Variants in CELF4 observed in about 807,000 individuals in gnomAD.
CELF4 encodes the protein CUG-BP- and ETR-3-like factor 4.
Under a neutral mutation model 59.9 loss-of-function variants are expected in CELF4, and 18 were observed. The ratio of observed to expected loss-of-function variants is 0.30; its 90% CI spans 0.21 to 0.45. CELF4 has a LOEUF of 0.45. Ranked by LOEUF, CELF4 falls within the 20% of genes least tolerant of loss-of-function variation. The pLI is 1.00. For synonymous variants in CELF4, 261 were observed against 267.1 expected, an observed-to-expected ratio of 0.98 and a Z score of 0.22; for missense variants, 456 against 689.0, an observed-to-expected ratio of 0.66 and a Z score of 3.79.
intron 8 of CELF4, among the ~76,000 whole-genome samples, chr18:37,268,785 G>A (rs1211814418): frequency 6.6e-6 from 1 of 152,238 alleles, no homozygotes; most frequent in East Asian, 1.9e-4. Context: ...AACTGCCAAA[G>A]AGTGAACATT....
At chr18:37,280,107 G>T (rs1291070224) in intron 3 of CELF4, among the ~76,000 whole-genome samples, 1 of 152,182 alleles carries the variant, frequency 6.6e-6, no homozygotes, top group Non-Finnish European at 1.5e-5. Context: ...TTTGTCCCCA[G>T]ATGTCTAACC....
Position 37,266,520 on chromosome 18 carries a change from C to G in CELF4, c.1165+13G>C. 2 of 1,586,244 alleles carry G rather than the reference C, an allele frequency of 1.3e-6. No homozygotes were observed. Among genetic ancestry groups the G allele is most frequent in the South Asian group, 2.3e-5 (2 of 86,562 alleles). On this transcript the variant is annotated intron_variant, in intron 9 of 12. Transcript: ENST00000420428. ...AGTTGGGGAAGGAGCCGTGGGGACG[C>G]GTGGATACTAACGACCTGCATACTG...
intron 3 of CELF4, among the ~76,000 whole-genome samples, chr18:37,306,706 C>T (rs896416451): frequency 5.3e-5 from 8 of 152,116 alleles, no homozygotes; most frequent in Non-Finnish European, 1.2e-4. Context: ...CGATGGCATG[C>T]CGTGGTGAGC....
intron 3 of CELF4, 137 bp from the exon 4 acceptor site, chr18:37,275,380 A>AGG: frequency 9.4e-5 from 2 of 21,298 alleles, no homozygotes; most frequent in East Asian, 1.5e-3. Flanking sequence ...GGCGGGGGAG[A>AGG]GGTGCGGGGG....
intron 1 of CELF4, among the ~76,000 whole-genome samples, chr18:37,547,528 T>C (rs1031050344): frequency 1.3e-5 from 2 of 152,180 alleles, no homozygotes; most frequent in Non-Finnish European, 2.9e-5. Context: ...CCAAAATTTC[T>C]CCAGGTCCTG....
intron 3 of CELF4, among the ~76,000 whole-genome samples, chr18:37,297,927 G>T (rs2095760238): frequency 1.3e-5 from 2 of 152,232 alleles, no homozygotes; most frequent in Admixed American, 1.3e-4. Flanking sequence ...CCTTCTCCAG[G>T]CATTCAGCAG....
chr18:37,529,224 G>A (rs901216092), intron 1 of CELF4: 1 of 152,138 alleles, frequency 6.6e-6, no homozygotes, highest in African/African-American at 2.4e-5. Flanking sequence ...ACATGTATCT[G>A]GTCCTCAGGA....
chr18:37,306,399 A>G (rs2096406580), intron 3 of CELF4: 1 of 152,410 alleles, frequency 6.6e-6, no homozygotes, highest in African/African-American at 2.4e-5. Flanking sequence ...GAGTGACTCC[A>G]CCTGGCTCGT....
chr18:37,321,564 G>A (rs1248770144), intron 3 of CELF4, among the ~76,000 whole-genome samples: 2 of 152,178 alleles, frequency 1.3e-5, no homozygotes, highest in Non-Finnish European at 2.9e-5. Context: ...CATGGCACTT[G>A]TTTACTCAGA....
chr18:37,376,746 G>A (rs1378304331), intron 2 of CELF4, among the ~76,000 whole-genome samples: 10 of 152,236 alleles, frequency 6.6e-5, no homozygotes, highest in Non-Finnish European at 7.3e-5. Flanking sequence ...TCACCTTTCA[G>A]GGTGCAAGGG....
At chr18:37,431,369 T>TG (rs2099659155) in intron 2 of CELF4, among the ~76,000 whole-genome samples, 1 of 136,422 alleles carries the variant, frequency 7.3e-6, no homozygotes, top group East Asian at 2.4e-4. Flanking sequence ...TTCCTTTTTT[T>TG]TTTTTTTTTT....
At chr18:37,411,115 C>A (rs1446175127) in intron 2 of CELF4, among the ~76,000 whole-genome samples, 2 of 152,032 alleles carry the variant, frequency 1.3e-5, no homozygotes, top group African/African-American at 4.8e-5. Flanking sequence ...TGCCACCATG[C>A]CCGGGTAATT....
chr18:37,273,987 C>G (rs2092449945), intron 6 of CELF4: 2 of 1,178,102 alleles, frequency 1.7e-6, no homozygotes, highest in Non-Finnish European at 2.1e-6. Context: ...ACCCTCTCAT[C>G]TGTGCTTCCT....
At position 37,529,462 on chromosome 18, in the gene CELF4, C is replaced by T. The variant is rs147051370; in HGVS notation, c.286+35894G>A. Among the ~76,000 whole-genome samples the T allele has an allele frequency of 1.7e-3, 260 of 152,312 alleles. 1 individual carries two copies. The highest frequency in any genetic ancestry group is 5.9e-3 in the African/African-American group (247 of 41,576). ...CACACCCACTGCATGAGGGAGCTCACGGAGGAGCAGGCAAACCAGGGCACA... is the reference window on the plus strand; with the variant it reads ...CACACCCACTGCATGAGGGAGCTCATGGAGGAGCAGGCAAACCAGGGCACA... On this transcript the variant is annotated intron_variant, in intron 1 of 12. Coordinates refer to ENST00000420428, the MANE Select transcript of CELF4 (RefSeq NM_020180.4).
chr18:37,384,482 G>C (rs550314843), intron 2 of CELF4, among the ~76,000 whole-genome samples: 125 of 152,132 alleles, frequency 8.2e-4, no homozygotes, highest in African/African-American at 2.9e-3. Flanking sequence ...GGCGGGCAGG[G>C]ACTGAAGCCA....
chr18:37,365,888 A>G (rs1021001765), intron 2 of CELF4, among the ~76,000 whole-genome samples: 9 of 152,222 alleles, frequency 5.9e-5, no homozygotes, highest in Non-Finnish European at 1.2e-4. Context: ...CATACTTTAC[A>G]ATAGTAAAAT....
intron 3 of CELF4, among the ~76,000 whole-genome samples, chr18:37,294,039 C>T (rs1040453237): frequency 2.6e-5 from 4 of 152,154 alleles, no homozygotes; most frequent in African/African-American, 9.7e-5. Flanking sequence ...CAGAAATCTT[C>T]CAATACCCCC....
At chr18:37,367,380 C>T (rs1022072446) in intron 2 of CELF4, among the ~76,000 whole-genome samples, 1 of 151,966 alleles carries the variant, frequency 6.6e-6, no homozygotes, top group African/African-American at 2.4e-5. Flanking sequence ...GGGCCAGGAG[C>T]TGTGGGCTCC....
intron 2 of CELF4, among the ~76,000 whole-genome samples, chr18:37,470,885 T>TGAGAGAGAGAGAGAGA (rs1569569558): frequency 1.4e-4 from 11 of 79,656 alleles, no homozygotes; most frequent in Non-Finnish European, 1.7e-4. Flanking sequence ...TGTGTGTGTG[T>TGAGAGAGAGAGAGAGA]GTGACAGAGA....
Sources: allele counts gnomAD v4.1 joint callset (sites outside exome capture counted in the v4.1 genomes callset), GRCh38; gene constraint gnomAD v4.1.1; transcripts MANE v1.5; gene names NCBI Gene and HGNC (gene_info 2026-07-23, HGNC 2026-07-21).